CRYM: variants seen among roughly 807,000 people sequenced by gnomAD.
CRYM encodes crystallin mu.
Under a neutral mutation model 32.9 loss-of-function variants are expected in CRYM, and 18 were observed. That is an observed-to-expected ratio of 0.55 (90% CI 0.38 to 0.81). The LOEUF is 0.81. CRYM is among the 30% of genes least tolerant of loss of function. The probability of loss-of-function intolerance (pLI) is 0.00; values close to 1 mark genes in which losing one functional copy is unlikely to be tolerated. For synonymous variants in CRYM, 153 were observed against 152.4 expected (o/e 1.00, Z -0.03); for missense variants, 337 against 393.5 (o/e 0.86, Z 1.21).
chr16:21,295,282 C>T (rs1960764658), intron 1 of CRYM, among the ~76,000 whole-genome samples: 1 of 152,230 alleles, frequency 6.6e-6, no homozygotes, highest in South Asian at 2.1e-4. Context: ...TAAATTCTCA[C>T]CAACAGCGTA....
upstream of CRYM, chr16:21,278,298 G>T (rs1286572794): frequency 3.2e-6 from 5 of 1,548,786 alleles, no homozygotes; most frequent in South Asian, 5.9e-5. Flanking sequence ...CGCGATCCAC[G>T]TACCCTCGGC....
chr16:21,275,441 GT>G (rs2093384324), intron 3 of CRYM, 90 bp downstream of exon 3: 1 of 1,168,438 alleles, frequency 8.6e-7, no homozygotes. Context: ...ACCAAAATAA[GT>G]TCCCCACTTC....
upstream of CRYM, among the ~76,000 whole-genome samples, chr16:21,282,531 T>C (rs2093399977): frequency 6.6e-6 from 1 of 152,184 alleles, no homozygotes; most frequent in Non-Finnish European, 1.5e-5. Flanking sequence ...TTTGCTTCCA[T>C]AGTAAATTCA....
intron 1 of CRYM, among the ~76,000 whole-genome samples, chr16:21,288,519 T>C (rs1044513288): frequency 1.3e-5 from 2 of 152,142 alleles, no homozygotes; most frequent in African/African-American, 4.8e-5. Context: ...TTCTTTCTTA[T>C]TTTGGTCAGT....
At chr16:21,262,775 G>A (rs1029345862) in intron 5 of CRYM, among the ~76,000 whole-genome samples, 10 of 152,124 alleles carry the variant, frequency 6.6e-5, no homozygotes, top group Non-Finnish European at 1.0e-4. Context: ...TATGGTTCTC[G>A]CAAGTACATT....
chr16:21,293,325 C>A (rs1319889481), intron 1 of CRYM, among the ~76,000 whole-genome samples: 2 of 151,962 alleles, frequency 1.3e-5, no homozygotes, highest in Non-Finnish European at 1.5e-5. Context: ...TTGGATGCAC[C>A]AAGGGAAAAG....
At chr16:21,278,360 A>T (rs1425097137), upstream of CRYM, 3 of 1,416,002 alleles carry the variant, frequency 2.1e-6, no homozygotes, top group Admixed American at 3.9e-5. Flanking sequence ...TGCTGGTCAC[A>T]GCCCAGCCTC....
intron 1 of CRYM, among the ~76,000 whole-genome samples, chr16:21,298,389 C>T (rs1417909076): frequency 6.6e-6 from 1 of 152,124 alleles, no homozygotes; most frequent in Non-Finnish European, 1.5e-5. Flanking sequence ...AAAAACAACC[C>T]GCATGTCTCT....
At chr16:21,293,028 A>AAGATAGATAGATAGATAGATAGAT (rs3029354) in intron 1 of CRYM, among the ~76,000 whole-genome samples, 1 of 150,364 alleles carries the variant, frequency 6.7e-6, no homozygotes, top group African/African-American at 2.5e-5. Context: ...AAGTAGATAG[A>AAGATAGATAGATAGATAGATAGAT]AGATAGATAG....
intron 1 of CRYM, among the ~76,000 whole-genome samples, chr16:21,296,461 T>C (rs1010717966): frequency 6.6e-6 from 1 of 152,164 alleles, no homozygotes; most frequent in Non-Finnish European, 1.5e-5. Flanking sequence ...TACTAAAACC[T>C]ATCATTCAAG....
intron 1 of CRYM, among the ~76,000 whole-genome samples, chr16:21,294,798 C>T (rs1011722121): frequency 6.6e-6 from 1 of 151,366 alleles, no homozygotes; most frequent in Admixed American, 6.6e-5. Context: ...GGGTTCACAC[C>T]ATTCTTCTGC....
At chr16:21,266,032 T>C (rs1036481019) in intron 5 of CRYM, among the ~76,000 whole-genome samples, 10 of 152,138 alleles carry the variant, frequency 6.6e-5, no homozygotes, top group African/African-American at 2.2e-4. Context: ...GAGACCAGCC[T>C]GGACAATGTG....
intron 1 of CRYM, among the ~76,000 whole-genome samples, chr16:21,302,515 G>T (rs909513531): frequency 2.0e-5 from 3 of 152,214 alleles, no homozygotes; most frequent in African/African-American, 7.2e-5. Context: ...AGGGAAGAGA[G>T]ACCAGAACTC....
chr16:21,270,051 C>G (rs187737729), intron 3 of CRYM, among the ~76,000 whole-genome samples, 160 bp from the exon 4 acceptor site: 2 of 152,124 alleles, frequency 1.3e-5, no homozygotes, highest in African/African-American at 4.8e-5. Flanking sequence ...TAGTTTCCCC[C>G]GTATCAAGTG....
Position 21,267,624 on chromosome 16 carries a change from G to A in CRYM, c.603C>T (p.Ile201=), listed in dbSNP as rs746872167. 2 of 1,614,152 alleles carry A rather than the reference G, an allele frequency of 1.2e-6. No individual in the cohort carries two copies. The highest frequency in any genetic ancestry group is 1.7e-6 in the Non-Finnish European group (2 of 1,180,026). ...VQEAVAGADV[I]ITVTLATEPI... ...GCTCTGTTGCCAGGGTGACTGTGAT[G>A]ATCACATCTGCACCTGCCACAGCCT... The change falls in exon 5 of 8, where the codon ATC becomes ATT. Residue 201 remains isoleucine (I), a synonymous_variant. Coordinates refer to ENST00000572914, the MANE Select transcript of CRYM (RefSeq NM_001376256.1).
intron 6 of CRYM, 159 bp downstream of exon 6, chr16:21,261,878 T>C: frequency 1.3e-6 from 1 of 786,812 alleles, no homozygotes; most frequent in Admixed American, 2.4e-5. Flanking sequence ...GGAATGGAAT[T>C]AAAGAGGGTT....
At chr16:21,286,728 A>G (rs1597626193) in intron 1 of CRYM, among the ~76,000 whole-genome samples, 3 of 152,214 alleles carry the variant, frequency 2.0e-5, no homozygotes, top group East Asian at 3.8e-4. Flanking sequence ...AGTGTTTCCT[A>G]TATAATTTTA....
chr16:21,282,375 C>T (rs1248620474), upstream of CRYM, among the ~76,000 whole-genome samples: 1 of 152,042 alleles, frequency 6.6e-6, no homozygotes, highest in Non-Finnish European at 1.5e-5. Context: ...TCCCACCTTG[C>T]AGGCTGTAAC....
chr16:21,290,705 T>C (rs745589448), intron 1 of CRYM, among the ~76,000 whole-genome samples: 1 of 152,230 alleles, frequency 6.6e-6, no homozygotes, highest in African/African-American at 2.4e-5. Context: ...TTTACTCATA[T>C]ATATTCATAA....
Sources: allele counts gnomAD v4.1 joint callset (sites outside exome capture counted in the v4.1 genomes callset), GRCh38; gene constraint gnomAD v4.1.1; transcripts MANE v1.5; gene names NCBI Gene and HGNC (gene_info 2026-07-23, HGNC 2026-07-21).